Variants in UPP2 observed in about 807,000 individuals in gnomAD.
UPP2 encodes UPase 2.
A neutral mutation model predicts 26.7 loss-of-function variants in UPP2; 23 were observed. That is an observed-to-expected ratio of 0.86 (90% CI 0.62 to 1.22). The LOEUF is 1.22. UPP2 is among the 50% of genes most tolerant of loss of function. UPP2 has a pLI of 0.00. For missense variants in UPP2, 387 were observed against 396.7 expected (o/e 0.98, Z 0.21); for synonymous variants, 127 against 141.3 (o/e 0.90, Z 0.72).
chr2:158,107,673 A>G (rs938953255), intron 2 of UPP2, among the ~76,000 whole-genome samples: 7 of 152,156 alleles, frequency 4.6e-5, no homozygotes, highest in Non-Finnish European at 1.0e-4. Context: ...AAAGAAAAAA[A>G]GATGGGAAAA....
At chr2:158,032,074 T>C (rs1683929406) in intron 3 of UPP2, among the ~76,000 whole-genome samples, 1 of 152,148 alleles carries the variant, frequency 6.6e-6, no homozygotes, top group African/African-American at 2.4e-5. Context: ...ACAGGGTCTG[T>C]AAACTATGAT....
chr2:158,116,396 A>G (rs1683432226), intron 3 of UPP2, among the ~76,000 whole-genome samples: 1 of 152,228 alleles, frequency 6.6e-6, no homozygotes, highest in South Asian at 2.1e-4. Flanking sequence ...ATGTGACACT[A>G]CCATAAATAA....
At chr2:158,111,694 A>T (rs1683323199) in intron 2 of UPP2, among the ~76,000 whole-genome samples, 1 of 151,916 alleles carries the variant, frequency 6.6e-6, no homozygotes, top group African/African-American at 2.4e-5. Context: ...ACATTTTTTA[A>T]ATATTCCATT....
At chr2:158,002,014 G>C (rs1261087171) in intron 2 of UPP2, among the ~76,000 whole-genome samples, 2 of 130,242 alleles carry the variant, frequency 1.5e-5, no homozygotes, top group African/African-American at 5.5e-5. Context: ...TACATGGAAA[G>C]AAGGTACTCA....
chr2:158,122,656 G>A (rs1683595365), intron 5 of UPP2, among the ~76,000 whole-genome samples: 1 of 152,116 alleles, frequency 6.6e-6, no homozygotes, highest in South Asian at 2.1e-4. Context: ...AATATCTGGA[G>A]ATTTTATATT....
chr2:158,001,903 C>A (rs1324030743), intron 2 of UPP2, among the ~76,000 whole-genome samples: 1 of 128,404 alleles, frequency 7.8e-6, no homozygotes, highest in Non-Finnish European at 1.6e-5. Flanking sequence ...GATCTTAGAT[C>A]AAGCCATTCC....
chr2:158,002,459 G>A (rs1165062896), intron 2 of UPP2, among the ~76,000 whole-genome samples: 6 of 152,114 alleles, frequency 3.9e-5, no homozygotes, highest in Admixed American at 1.3e-4. Flanking sequence ...TTTCCTTTCC[G>A]AAACACCTTG....
intron 3 of UPP2, among the ~76,000 whole-genome samples, chr2:158,082,355 C>G (rs1290890117): frequency 6.6e-6 from 1 of 151,088 alleles, no homozygotes; most frequent in African/African-American, 2.4e-5. Flanking sequence ...TCGCTTACCA[C>G]CTCCCACTCT....
intron 3 of UPP2, among the ~76,000 whole-genome samples, chr2:158,080,021 T>C (rs924721953): frequency 1.6e-4 from 24 of 152,170 alleles, no homozygotes; most frequent in African/African-American, 5.8e-4. Flanking sequence ...TAAATATCCC[T>C]GGTCTTAGCC....
intron 3 of UPP2, among the ~76,000 whole-genome samples, chr2:158,117,147 A>G (rs764619202): frequency 6.6e-6 from 1 of 152,014 alleles, no homozygotes; most frequent in Non-Finnish European, 1.5e-5. Context: ...AGTTATTAGG[A>G]CATTGTGTAG....
chr2:158,066,682 A>G (rs761805129), intron 3 of UPP2, among the ~76,000 whole-genome samples: 2 of 149,702 alleles, frequency 1.3e-5, no homozygotes, highest in African/African-American at 2.5e-5. Flanking sequence ...GTTTCAATAA[A>G]TCTTACTTTG....
intron 2 of UPP2, among the ~76,000 whole-genome samples, chr2:158,010,161 C>T (rs1038898498): frequency 7.2e-5 from 11 of 152,004 alleles, no homozygotes; most frequent in East Asian, 1.9e-4. Flanking sequence ...TCATCGAAAG[C>T]GACAGAAGAA....
chr2:158,048,100 G>A (rs1214033581), intron 3 of UPP2, among the ~76,000 whole-genome samples: 1 of 152,170 alleles, frequency 6.6e-6, no homozygotes, highest in Non-Finnish European at 1.5e-5. Flanking sequence ...ATTTCCCCAA[G>A]CACCTAATCT....
At chr2:158,004,844 G>A (rs1683464703) in intron 2 of UPP2, among the ~76,000 whole-genome samples, 1 of 152,122 alleles carries the variant, frequency 6.6e-6, no homozygotes, top group Non-Finnish European at 1.5e-5. Flanking sequence ...ATCTTATAAG[G>A]TTTTTGTAAT....
At position 158,023,230 on chromosome 2, in the gene UPP2, T is replaced by TGG. The variant is rs143578289; in HGVS notation, c.147+7352_147+7353dup. Among the ~76,000 whole-genome samples, 107 of 83,820 alleles carry TGG rather than the reference T, an allele frequency of 1.3e-3. 3 individuals carry two copies. The highest frequency in any genetic ancestry group is 3.2e-3 in the African/African-American group (83 of 25,578). The allele number at this position is 83,820 out of a possible 152,430, so 55.0% of individuals were successfully genotyped here. ...ATGAGGTCATGGGGTTGCTGTCAGT[T>TGG]GGGGGGGGGCATTTGGAAGGCTTTC... is the stretch of plus-strand genomic sequence containing the variant. On this transcript the variant is annotated intron_variant, in intron 3 of 9. Transcript: ENST00000605860.
At chr2:158,073,375 T>C (rs575897055) in intron 3 of UPP2, among the ~76,000 whole-genome samples, 3 of 152,192 alleles carry the variant, frequency 2.0e-5, no homozygotes, top group Admixed American at 1.3e-4. Context: ...TCTAAGAGTA[T>C]TGATCTTAAA....
chr2:158,095,666 T>C (rs1355036474), intron 3 of UPP2, among the ~76,000 whole-genome samples: 4 of 152,188 alleles, frequency 2.6e-5, no homozygotes, highest in Non-Finnish European at 2.9e-5. Flanking sequence ...GGGGAAATAA[T>C]AATACCTATC....
intron 2 of UPP2, among the ~76,000 whole-genome samples, chr2:157,998,785 G>T (rs1355913008): frequency 6.6e-6 from 1 of 152,088 alleles, no homozygotes; most frequent in Non-Finnish European, 1.5e-5. Flanking sequence ...GGGTAACAGA[G>T]CAAGACTCTG....
chr2:158,030,034 G>C (rs578228706), intron 3 of UPP2, among the ~76,000 whole-genome samples: 159 of 152,244 alleles, frequency 1.0e-3, no homozygotes, highest in African/African-American at 3.6e-3. Flanking sequence ...TCAACTTATA[G>C]AATGAATGGG....
Sources: gnomAD v4.1 joint callset for allele counts (sites outside exome capture counted in the v4.1 genomes callset) on GRCh38, gnomAD v4.1.1 for gene constraint, MANE v1.5 for transcripts, NCBI Gene and HGNC (gene_info 2026-07-23, HGNC 2026-07-21) for gene names.